Variants in MATN2 observed in about 807,000 individuals in gnomAD.
MATN2 encodes the protein matrilin-2.
A neutral mutation model predicts 103.2 loss-of-function variants in MATN2; 69 were observed. The ratio of observed to expected loss-of-function variants is 0.67; its 90% CI spans 0.55 to 0.82. The LOEUF (loss-of-function observed/expected upper bound fraction) is 0.82, where lower values mean the gene tolerates loss of function less well. MATN2 is among the 40% of genes least tolerant of loss of function. The pLI is 0.00. For missense variants in MATN2, 1,023 were observed against 1,211.5 expected (o/e 0.84, Z 2.31); for synonymous variants, 429 against 450.2 (o/e 0.95, Z 0.60).
Position 98,007,406 on chromosome 8 carries a change from A to G in MATN2, c.1451-73A>G. On this transcript the variant is annotated intron_variant, in intron 9 of 18. Coordinates refer to ENST00000254898, the MANE Select transcript of MATN2 (RefSeq NM_002380.5). This position sits in a 1 kb window ranked among gnomAD's most constrained non-coding sequence, Gnocchi z 4.2. ...TTCGAGGGAGGGCGGGGTGAGCATGACGGTCACTTGATCCAATCACTGTCG... is the reference window on the plus strand; with the variant it reads ...TTCGAGGGAGGGCGGGGTGAGCATGGCGGTCACTTGATCCAATCACTGTCG... The G allele has an allele frequency of 6.3e-7, 1 of 1,578,700 alleles. No homozygotes were observed. Among genetic ancestry groups the G allele is most frequent in the African/African-American group, 1.3e-5 (1 of 74,520 alleles).
In MATN2 at chr8:98,032,422, G is replaced by A. The variant is rs1277541714; in HGVS notation, c.2581+105G>A. On this transcript the variant is annotated intron_variant, in intron 16 of 18. Transcript: ENST00000254898. ...GTGAATGTAAGTATGTTCAAATTAT[G>A]ATAATGAAGGCCTTTTTTCCCTCAA... The A allele has an allele frequency of 2.5e-5, 20 of 806,520 alleles. 1 individual carries two copies. The South Asian group carries it at 3.3e-4, about 13-fold the overall frequency. 50.0% of individuals were successfully genotyped at this position (806,520 alleles called of 1,614,324 possible).
chr8:98,018,208 C>T, intron 12 of MATN2, 92 bp downstream of exon 12: 1 of 1,510,802 alleles, frequency 6.6e-7, no homozygotes, highest in Non-Finnish European at 9.0e-7. Flanking sequence ...TCCTTTATTA[C>T]CACTGTCACA....
At chr8:98,027,046 A>AC (rs369127732) in intron 13 of MATN2, among the ~76,000 whole-genome samples, 2 of 152,008 alleles carry the variant, frequency 1.3e-5, no homozygotes, top group Non-Finnish European at 2.9e-5. Context: ...GGGTGATGTC[A>AC]CCCTCCTAAA....
Position 97,930,956 on chromosome 8 carries a change from G to A in MATN2, c.146G>A (p.Ser49Asn), listed in dbSNP as rs776559608. The A allele has an allele frequency of 1.4e-5, 23 of 1,604,314 alleles. 1 individual carries two copies. The South Asian group carries it at 2.5e-4, about 17-fold the overall frequency. ...TTGACCTCTCCTCTTTCCCCAGAGAGTTCCTGTGAGAACAAGCGGGCAGAC... is the reference window on the plus strand; with the variant it reads ...TTGACCTCTCCTCTTTCCCCAGAGAATTCCTGTGAGAACAAGCGGGCAGAC... ...RTHPQTALLESSCENKRADLV... is the reference protein window; with the variant it reads ...RTHPQTALLENSCENKRADLV... The change falls in exon 3 of 19, where the codon AGT becomes AAT. Residue 49 changes from serine to asparagine, a missense_variant. Ser to Asn is a conservative substitution (Grantham distance 46, BLOSUM62 1). Transcript: ENST00000254898.
chr8:97,985,857 T>A (rs1189956018), intron 6 of MATN2, among the ~76,000 whole-genome samples: 2 of 152,230 alleles, frequency 1.3e-5, no homozygotes, highest in Non-Finnish European at 2.9e-5. Context: ...CGCACACTAC[T>A]GCACCTAGCT....
chr8:97,910,251 C>T (rs1029481324), intron 2 of MATN2, among the ~76,000 whole-genome samples: 42 of 151,800 alleles, frequency 2.8e-4, no homozygotes, highest in Non-Finnish European at 1.6e-4. Flanking sequence ...TTGGTAGAGA[C>T]GGGGTTTTGC....
At chr8:98,029,537 G>C (rs1586174389) in intron 14 of MATN2, among the ~76,000 whole-genome samples, 1 of 152,292 alleles carries the variant, frequency 6.6e-6, no homozygotes, top group Non-Finnish European at 1.5e-5. Flanking sequence ...CTAGTCTTAT[G>C]TATAGCAAAC....
At chr8:97,879,303 C>T (rs752094321) in intron 1 of MATN2, among the ~76,000 whole-genome samples, 1 of 152,164 alleles carries the variant, frequency 6.6e-6, no homozygotes, top group Non-Finnish European at 1.5e-5. Context: ...CCCGCTATGA[C>T]AAGAGTCTGA....
At chr8:97,898,318 G>A (rs916682720) in intron 2 of MATN2, among the ~76,000 whole-genome samples, 2 of 152,042 alleles carry the variant, frequency 1.3e-5, no homozygotes, top group African/African-American at 2.4e-5. Flanking sequence ...GATGACGGCC[G>A]GGTGCGGTGG....
chr8:98,015,322 A>T (rs931239049), intron 10 of MATN2, among the ~76,000 whole-genome samples: 1 of 152,100 alleles, frequency 6.6e-6, no homozygotes, highest in Non-Finnish European at 1.5e-5. Context: ...AAACAAACCC[A>T]TATCATGCCA....
chr8:97,986,764 A>G (rs1812208127), intron 6 of MATN2, among the ~76,000 whole-genome samples: 1 of 152,230 alleles, frequency 6.6e-6, no homozygotes, highest in African/African-American at 2.4e-5. Context: ...TATCTTTTTC[A>G]TATAATGACT....
At chr8:97,924,757 A>G (rs1167943256) in intron 2 of MATN2, among the ~76,000 whole-genome samples, 2 of 150,556 alleles carry the variant, frequency 1.3e-5, no homozygotes, top group Non-Finnish European at 3.0e-5. Flanking sequence ...GGCAGGAGGT[A>G]GGCAAGTTTG....
intron 5 of MATN2, among the ~76,000 whole-genome samples, chr8:97,962,523 T>C (rs1253796961): frequency 6.6e-6 from 1 of 152,158 alleles, no homozygotes; most frequent in Admixed American, 6.5e-5. Context: ...GGTTTGTTTT[T>C]ACACACTGAT....
chr8:97,938,875 AT>A (rs1344048020), intron 3 of MATN2, among the ~76,000 whole-genome samples: 2 of 151,792 alleles, frequency 1.3e-5, no homozygotes, highest in Non-Finnish European at 2.9e-5. Flanking sequence ...AAAACATCTT[AT>A]TTTTTGTTTG....
At chr8:97,937,583 C>CTTTTTTTTTT (rs376203275) in intron 3 of MATN2, among the ~76,000 whole-genome samples, 8 of 89,810 alleles carry the variant, frequency 8.9e-5, no homozygotes, top group Admixed American at 1.6e-4. Context: ...TCCCCACTAA[C>CTTTTTTTTTT]TTTTTTTTTT....
At chr8:97,909,695 A>C (rs952872443) in intron 2 of MATN2, among the ~76,000 whole-genome samples, 1 of 152,176 alleles carries the variant, frequency 6.6e-6, no homozygotes, top group African/African-American at 2.4e-5. Flanking sequence ...TCAGAGAAGT[A>C]ACAAGGGGGC....
At chr8:97,915,447 G>A (rs571889368) in intron 2 of MATN2, among the ~76,000 whole-genome samples, 1 of 152,320 alleles carries the variant, frequency 6.6e-6, no homozygotes, top group East Asian at 1.9e-4. Flanking sequence ...CCAAAATGAT[G>A]ATAGAATTGT....
At chr8:97,991,070 T>C (rs1812372826) in intron 6 of MATN2, among the ~76,000 whole-genome samples, 1 of 152,164 alleles carries the variant, frequency 6.6e-6, no homozygotes, top group African/African-American at 2.4e-5. Context: ...AAAATTTCTA[T>C]GTCATAAAAC....
intron 4 of MATN2, among the ~76,000 whole-genome samples, chr8:97,945,717 A>AATATAT (rs1554605716): frequency 0.026 from 3,118 of 121,690 alleles, 85 homozygotes; most frequent in East Asian, 0.12. Context: ...AAAAAAAAAA[A>AATATAT]ATATATATAT....
Sources: allele counts gnomAD v4.1 joint callset (sites outside exome capture counted in the v4.1 genomes callset), GRCh38; gene constraint gnomAD v4.1.1; non-coding constraint Gnocchi (gnomAD v3.1); transcripts MANE v1.5; gene names NCBI Gene and HGNC (gene_info 2026-07-23, HGNC 2026-07-21).